PTPRA: variants seen among roughly 807,000 people sequenced by gnomAD.
The protein encoded by PTPRA is receptor-type tyrosine-protein phosphatase alpha.
In PTPRA, 25 loss-of-function variants were observed where a neutral mutation model predicts 104.8. That is an observed-to-expected ratio of 0.24 (90% CI 0.17 to 0.33). The LOEUF (loss-of-function observed/expected upper bound fraction) is 0.33. PTPRA is among the 10% of genes least tolerant of loss of function. PTPRA has a pLI of 1.00. For synonymous variants in PTPRA, 323 were observed against 368.9 expected, an observed-to-expected ratio of 0.88 and a Z score of 1.43; for missense variants, 765 against 1,015.3, an observed-to-expected ratio of 0.75 and a Z score of 3.35.
intron 6 of PTPRA, among the ~76,000 whole-genome samples, chr20:2,983,099 A>C (rs951993139): frequency 2.6e-5 from 4 of 152,218 alleles, no homozygotes; most frequent in Admixed American, 6.5e-5. Context: ...TTCAGAAATG[A>C]GGAAACTGAG....
chr20:2,928,461 A>T (rs1312462380), intron 2 of PTPRA, among the ~76,000 whole-genome samples: 3 of 152,180 alleles, frequency 2.0e-5, no homozygotes, highest in Non-Finnish European at 4.4e-5. Flanking sequence ...GGTTGACTAT[A>T]GAATTCTAGG....
intron 5 of PTPRA, among the ~76,000 whole-genome samples, chr20:2,968,425 G>A (rs558861258): frequency 1.3e-5 from 2 of 151,436 alleles, no homozygotes; most frequent in East Asian, 3.9e-4. Flanking sequence ...ATACTTAATA[G>A]GCCCTTTAGA....
the PTPRA span, chr20:2,864,715 G>T: frequency 6.4e-7 from 1 of 1,553,496 alleles, no homozygotes; most frequent in Non-Finnish European, 8.8e-7. This position sits in a 1 kb window ranked among gnomAD's most constrained non-coding sequence, Gnocchi z 5.2. Flanking sequence ...TGTTGGTCCG[G>T]TTCCTTCAGG....
intron 11 of PTPRA, among the ~76,000 whole-genome samples, chr20:3,011,950 A>G (rs1337175131): frequency 6.6e-6 from 1 of 152,134 alleles, no homozygotes; most frequent in Non-Finnish European, 1.5e-5. Flanking sequence ...CAAAGACCAG[A>G]TTTCTAGCAC....
chr20:2,993,122 G>A (rs1445534699), intron 9 of PTPRA, among the ~76,000 whole-genome samples: 2 of 152,130 alleles, frequency 1.3e-5, no homozygotes, highest in Non-Finnish European at 2.9e-5. Flanking sequence ...TTGATCAGAT[G>A]GATTAGATGG....
At chr20:2,962,779 C>A (rs906243101) in intron 3 of PTPRA, among the ~76,000 whole-genome samples, 3 of 152,172 alleles carry the variant, frequency 2.0e-5, no homozygotes, top group African/African-American at 4.8e-5. Context: ...CACCTGAAGG[C>A]CACTGCTGAA....
chr20:2,964,345 C>A lies in PTPRA; in HGVS notation c.68C>A (p.Thr23Asn). 6.3e-7 allele frequency: 1 copy of A among 1,595,836 alleles called. No individual in the cohort carries two copies. The highest frequency in any genetic ancestry group is 8.5e-7 in the Non-Finnish European group (1 of 1,171,766). The change falls in exon 4 of 24, where the codon ACC becomes AAC. Residue 23 changes from threonine to asparagine, a missense_variant. Coordinates refer to ENST00000399903, the MANE Select transcript of PTPRA (RefSeq NM_001385305.1). ...ATATGTGTCAGTGCCAACAATGCTA[C>A]CACAGGTAAATTGTCATTTGATAAG... is the stretch of plus-strand genomic sequence containing the variant. ...GLICVSANNA[T>N]TVAPSVGITR... is the part of the protein sequence containing the mutation.
At chr20:2,902,995 A>AACCTCTCTGTGCCTCAGTTTCTTC (rs1191887841) in intron 1 of PTPRA, among the ~76,000 whole-genome samples, 62 of 152,248 alleles carry the variant, frequency 4.1e-4, no homozygotes, top group South Asian at 1.2e-3. Flanking sequence ...CCAGTTACTT[A>AACCTCTCTGTGCCTCAGTTTCTTC]ACCTCTCTGT....
At chr20:2,959,413 T>C (rs1201118842) in intron 3 of PTPRA, among the ~76,000 whole-genome samples, 1 of 152,234 alleles carries the variant, frequency 6.6e-6, no homozygotes, top group African/African-American at 2.4e-5. Context: ...AACACTTCTT[T>C]GTGTATTTTC....
At chr20:2,903,648 A>ACT (rs1328718597) in intron 1 of PTPRA, among the ~76,000 whole-genome samples, 1 of 152,204 alleles carries the variant, frequency 6.6e-6, no homozygotes, top group Non-Finnish European at 1.5e-5. Flanking sequence ...TGATAATGCC[A>ACT]CTACACTCCA....
At chr20:2,864,221 C>G in the PTPRA span, 2 of 1,614,122 alleles carry the variant, frequency 1.2e-6, no homozygotes, top group Non-Finnish European at 1.7e-6. This position sits in a 1 kb window ranked among gnomAD's most constrained non-coding sequence, Gnocchi z 5.2. Context: ...GGTACCCCTT[C>G]TCCTAAAGAT....
At chr20:3,013,947 A>G (rs1316747879) in intron 11 of PTPRA, among the ~76,000 whole-genome samples, 1 of 152,192 alleles carries the variant, frequency 6.6e-6, no homozygotes, top group Non-Finnish European at 1.5e-5. Context: ...AGGAAGGCAT[A>G]TGACGCACTC....
At chr20:2,989,858 A>T (rs570608982) in intron 9 of PTPRA, among the ~76,000 whole-genome samples, 1 of 152,084 alleles carries the variant, frequency 6.6e-6, no homozygotes, top group African/African-American at 2.4e-5. Flanking sequence ...TCTACTAAAA[A>T]TACAAAAAAT....
intron 9 of PTPRA, among the ~76,000 whole-genome samples, chr20:2,997,824 A>G (rs1366929696): frequency 1.3e-5 from 2 of 152,256 alleles, no homozygotes; most frequent in Non-Finnish European, 2.9e-5. Flanking sequence ...AAAAGAAACA[A>G]AAAGATAAAA....
chr20:3,023,819 T>A (rs2040252405), intron 16 of PTPRA, among the ~76,000 whole-genome samples: 1 of 152,246 alleles, frequency 6.6e-6, no homozygotes, highest in Non-Finnish European at 1.5e-5. Flanking sequence ...TTTGTCTCTG[T>A]GTCTTCTTTC....
intron 2 of PTPRA, among the ~76,000 whole-genome samples, chr20:2,928,281 G>A (rs896347961): frequency 3.3e-5 from 5 of 151,910 alleles, no homozygotes; most frequent in South Asian, 4.1e-4. Context: ...GACTATAGGC[G>A]CCTGTCACCA....
Position 3,022,103 on chromosome 20 carries a change from A to G in PTPRA, c.1211A>G (p.His404Arg), listed in dbSNP as rs2064902968. ...CCACAGCGCCTCATCACTCAGTTCC[A>G]CTTTACCAGCTGGCCAGACTTTGGG... ...RKPQRLITQF[H>R]FTSWPDFGVP... The change falls in exon 15 of 24, where the codon CAC becomes CGC. Residue 404 changes from histidine to arginine, a missense_variant. Physicochemically the swap from His to Arg is conservative, Grantham distance 29. This residue lies in a region of PTPRA where 245 missense variants were observed against 398.7 expected (regional missense o/e 0.61). Transcript: ENST00000399903. The surrounding 1 kb of genome is among the most constrained non-coding windows in gnomAD (Gnocchi z 4.6). 1 of 1,613,964 alleles carries G rather than the reference A, an allele frequency of 6.2e-7. No individual in the cohort carries two copies. The highest frequency in any genetic ancestry group is 8.5e-7 in the Non-Finnish European group (1 of 1,180,026).
chr20:2,966,335 CAA>C (rs566973338), intron 5 of PTPRA, among the ~76,000 whole-genome samples: 54 of 152,242 alleles, frequency 3.5e-4, no homozygotes, highest in African/African-American at 1.2e-3. Context: ...ATCTGTGAAA[CAA>C]GAATGAGTGA....
chr20:2,888,070 G>A (rs6051457), intron 1 of PTPRA, among the ~76,000 whole-genome samples: 9,324 of 152,246 alleles, frequency 0.061, 661 homozygotes, highest in African/African-American at 0.15. Flanking sequence ...CCTCAAACAC[G>A]GATGAGAAAT....
Sources: allele counts gnomAD v4.1 joint callset (sites outside exome capture counted in the v4.1 genomes callset), GRCh38; gene constraint gnomAD v4.1.1; regional missense constraint gnomAD v4.1.1; non-coding constraint Gnocchi (gnomAD v3.1); transcripts MANE v1.5; gene names NCBI Gene and HGNC (gene_info 2026-07-23, HGNC 2026-07-21).